The following EYS variants were observed in gnomAD, a reference collection of about 807,000 sequenced individuals.
EYS encodes protein eyes shut homolog.
In EYS, 250 loss-of-function variants were observed where a neutral mutation model predicts 282.1. The observed-to-expected ratio is 0.89, with a 90% CI of 0.80 to 0.98. The LOEUF (loss-of-function observed/expected upper bound fraction) is 0.98, where lower values mean the gene tolerates loss of function less well. Among genes scored for constraint, EYS ranks in the 50% least tolerant of loss-of-function variants. The pLI is 0.00. For missense variants in EYS, 4,016 were observed against 3,709.0 expected, an observed-to-expected ratio of 1.08 and a Z score of -2.15; for synonymous variants, 1,355 against 1,282.9, an observed-to-expected ratio of 1.06 and a Z score of -1.20.
chr6:65,005,575 A>G lies in EYS; in HGVS notation c.2138-7872T>C, dbSNP rs1156945824. On this transcript the variant is annotated intron_variant, in intron 13 of 42. Coordinates refer to ENST00000503581, the MANE Select transcript of EYS (RefSeq NM_001142800.2). ...CTATTCTGTCCTATCCTTCCTTAGAACTGGAGGAAAATACCGGGCACCTGT... is the reference window on the plus strand; with the variant it reads ...CTATTCTGTCCTATCCTTCCTTAGAGCTGGAGGAAAATACCGGGCACCTGT... Among the ~76,000 whole-genome samples the G allele has an allele frequency of 1.4e-5, 2 of 147,378 alleles. 1 individual carries two copies. The highest frequency in any genetic ancestry group is 3.0e-5 in the Non-Finnish European group (2 of 65,770).
At chr6:64,192,366 G>A (rs562995309) in intron 31 of EYS, among the ~76,000 whole-genome samples, 2 of 152,218 alleles carry the variant, frequency 1.3e-5, no homozygotes, top group East Asian at 3.9e-4. Flanking sequence ...GGCTTTTGTT[G>A]CCATTGCTTT....
At chr6:64,720,079 C>T (rs768387888) in intron 22 of EYS, among the ~76,000 whole-genome samples, 6 of 152,138 alleles carry the variant, frequency 3.9e-5, no homozygotes, top group Non-Finnish European at 2.9e-5. Context: ...AAATGGGTCT[C>T]ACTGGTATAA....
chr6:64,657,389 C>A (rs1768790299), intron 22 of EYS, among the ~76,000 whole-genome samples: 9 of 152,160 alleles, frequency 5.9e-5, no homozygotes, highest in Admixed American at 5.9e-4. Context: ...GAATTTGATT[C>A]TGTCATTATG....
At chr6:63,832,134 C>T (rs987646069) in intron 36 of EYS, among the ~76,000 whole-genome samples, 3 of 152,078 alleles carry the variant, frequency 2.0e-5, no homozygotes, top group African/African-American at 7.2e-5. Context: ...AAAATTGACA[C>T]CCTAACATCA....
intron 1 of EYS, among the ~76,000 whole-genome samples, chr6:65,654,565 T>C (rs1562311673): frequency 6.6e-6 from 1 of 151,774 alleles, no homozygotes; most frequent in African/African-American, 2.4e-5. Flanking sequence ...CTGATAGATA[T>C]CAGAAATTAC....
intron 16 of EYS, among the ~76,000 whole-genome samples, chr6:64,905,147 G>A (rs932637084): frequency 6.6e-6 from 1 of 151,992 alleles, no homozygotes; most frequent in African/African-American, 2.4e-5. Flanking sequence ...TTTGTGTTAG[G>A]GCACTCTATG....
At chr6:65,083,857 T>C (rs1459082755) in intron 12 of EYS, among the ~76,000 whole-genome samples, 1 of 151,852 alleles carries the variant, frequency 6.6e-6, no homozygotes, top group Non-Finnish European at 1.5e-5. Context: ...AGTATTAATC[T>C]GAAGGTGATA....
intron 12 of EYS, among the ~76,000 whole-genome samples, chr6:65,183,353 G>A (rs1186538071): frequency 6.6e-6 from 1 of 151,788 alleles, no homozygotes; most frequent in Non-Finnish European, 1.5e-5. Context: ...AGTGTAAAAA[G>A]GGTGATACAC....
intron 15 of EYS, among the ~76,000 whole-genome samples, chr6:64,923,217 G>A (rs1025091173): frequency 6.6e-6 from 1 of 152,042 alleles, no homozygotes; most frequent in East Asian, 1.9e-4. Context: ...CATGATGGGA[G>A]GCGAAAGGTA....
rs569949787 is a variant in EYS, at chr6:64,461,956, A to C, written c.5645-22604T>G. Among the ~76,000 whole-genome samples, 12 of 152,252 alleles carry C rather than the reference A, an allele frequency of 7.9e-5. No individual in the cohort carries two copies. The South Asian group carries it at 2.5e-3, about 32-fold the overall frequency. ...TAAGTTGTTTTTCTTTTATTGAAAA[A>C]AGCAATAAATTTCCCTTCTAGAAAC... On this transcript the variant is annotated intron_variant, in intron 26 of 42. Transcript: ENST00000503581.
At chr6:64,650,270 G>C (rs190460846) in intron 22 of EYS, among the ~76,000 whole-genome samples, 3 of 151,844 alleles carry the variant, frequency 2.0e-5, no homozygotes, top group South Asian at 2.1e-4. Flanking sequence ...TCTTTAAGTA[G>C]CTACAAAATG....
intron 14 of EYS, among the ~76,000 whole-genome samples, chr6:64,958,369 G>T (rs1488918545): frequency 6.6e-6 from 1 of 151,688 alleles, no homozygotes; most frequent in African/African-American, 2.4e-5. Context: ...GTGACAGAGT[G>T]AGACTCCATC....
At chr6:64,359,535 T>C (rs943594622) in intron 29 of EYS, among the ~76,000 whole-genome samples, 2 of 151,684 alleles carry the variant, frequency 1.3e-5, no homozygotes, top group Non-Finnish European at 3.0e-5. Context: ...TTAGTCCTTA[T>C]CTCAGTTCTT....
intron 12 of EYS, among the ~76,000 whole-genome samples, chr6:65,103,682 C>G (rs755104184): frequency 6.6e-6 from 1 of 151,486 alleles, no homozygotes; most frequent in Non-Finnish European, 1.5e-5. Context: ...TTAGGCTACT[C>G]ATCTTATCCC....
chr6:64,089,648 T>C (rs913194301), intron 31 of EYS, among the ~76,000 whole-genome samples: 2 of 152,000 alleles, frequency 1.3e-5, no homozygotes, highest in African/African-American at 4.8e-5. Flanking sequence ...ACTTGAATAA[T>C]TTCTTCACAT....
chr6:64,313,551 C>A (rs577728035), intron 29 of EYS, among the ~76,000 whole-genome samples: 1 of 151,932 alleles, frequency 6.6e-6, no homozygotes, highest in African/African-American at 2.4e-5. Context: ...AGATACTCCT[C>A]GAGAAGAGCA....
At chr6:64,883,061 A>G (rs1583256337) in intron 19 of EYS, among the ~76,000 whole-genome samples, 1 of 151,590 alleles carries the variant, frequency 6.6e-6, no homozygotes, top group African/African-American at 2.4e-5. Context: ...CAGAAACAAT[A>G]TAATAATAAT....
At chr6:64,675,939 A>G (rs1583027652) in intron 22 of EYS, among the ~76,000 whole-genome samples, 2 of 150,112 alleles carry the variant, frequency 1.3e-5, no homozygotes, top group East Asian at 4.0e-4. Context: ...CCCTCTTTAT[A>G]TATATCTAGA....
intron 29 of EYS, among the ~76,000 whole-genome samples, chr6:64,313,498 G>A (rs1031269388): frequency 2.0e-5 from 3 of 152,016 alleles, no homozygotes; most frequent in African/African-American, 7.2e-5. Context: ...ACCTAACAAG[G>A]CGGATCAACA....
Sources: allele counts gnomAD v4.1 joint callset (sites outside exome capture counted in the v4.1 genomes callset), GRCh38; gene constraint gnomAD v4.1.1; transcripts MANE v1.5; gene names NCBI Gene and HGNC (gene_info 2026-07-23, HGNC 2026-07-21).